NUP160: variants seen among roughly 807,000 people sequenced by gnomAD.
NUP160 encodes the protein nucleoporin 160, also known as nuclear pore complex protein Nup160.
In NUP160, 94 loss-of-function variants were observed where a neutral mutation model predicts 196.9. The ratio of observed to expected loss-of-function variants is 0.48; its 90% CI spans 0.40 to 0.57. NUP160 has a LOEUF of 0.57. Among genes scored for constraint, NUP160 ranks in the 20% least tolerant of loss-of-function variants. NUP160 has a pLI of 0.00. For missense variants in NUP160, 1,638 were observed against 1,748.3 expected (o/e 0.94, Z 1.13); for synonymous variants, 605 against 619.7 (o/e 0.98, Z 0.35).
chr11:47,783,521 A>G (rs2097662707), intron 33 of NUP160, among the ~76,000 whole-genome samples: 1 of 152,224 alleles, frequency 6.6e-6, no homozygotes, highest in Non-Finnish European at 1.5e-5. Context: ...TTGTAAAGTC[A>G]ACAAACTTTT....
At chr11:47,827,182 C>T (rs749981764) in intron 7 of NUP160, 3 of 455,392 alleles carry the variant, frequency 6.6e-6, no homozygotes, top group Middle Eastern at 3.3e-4. Flanking sequence ...GGCAACATGG[C>T]GAAACCCCGT....
chr11:47,801,895 T>C (rs771074458), exon 23 of NUP160: 1 of 1,613,770 alleles, frequency 6.2e-7, no homozygotes, highest in South Asian at 1.1e-5. Flanking sequence ...CCTCTTTGCC[T>C]ACTTCAGATG....
In NUP160 at chr11:47,784,111, C is replaced by A. The variant is rs375405748; in HGVS notation, c.3990+811G>T. Among the ~76,000 whole-genome samples, 6 of 152,228 alleles carry A rather than the reference C, an allele frequency of 3.9e-5. No homozygotes were observed. The East Asian group carries it at 1.2e-3, about 29-fold the overall frequency. On this transcript the variant is annotated intron_variant, in intron 33 of 35. Coordinates refer to ENST00000378460, the Ensembl canonical transcript of NUP160. ...AGCTTTAGATTTTCTCTTTCCTTAT[C>A]CTACTAACGGTGGTTCAGATGCAGA...
At chr11:47,797,064 C>T (rs988843953) in intron 27 of NUP160, among the ~76,000 whole-genome samples, 1 of 152,200 alleles carries the variant, frequency 6.6e-6, no homozygotes, top group Non-Finnish European at 1.5e-5. Flanking sequence ...AATCTAACCA[C>T]AGCTAATGCG....
At chr11:47,815,390 C>G in intron 13 of NUP160, 89 bp downstream of exon 13, 1 of 977,906 alleles carries the variant, frequency 1.0e-6, no homozygotes, top group Non-Finnish European at 1.5e-6. Flanking sequence ...CGGCAAGAGC[C>G]ACTGAACTTT....
At chr11:47,816,084 A>G in intron 11 of NUP160, 55 bp from the exon 12 acceptor site, 1 of 1,273,072 alleles carries the variant, frequency 7.9e-7, no homozygotes, top group Non-Finnish European at 1.1e-6. Flanking sequence ...TGAATGGAAA[A>G]CGTTTCAGTT....
intron 2 of NUP160, among the ~76,000 whole-genome samples, chr11:47,846,629 A>G (rs993477533): frequency 3.3e-5 from 5 of 152,176 alleles, no homozygotes. Flanking sequence ...ATTTCTAGTC[A>G]TTCCCACAAT....
At chr11:47,791,133 G>A (rs2097667669) in intron 29 of NUP160, among the ~76,000 whole-genome samples, 1 of 147,476 alleles carries the variant, frequency 6.8e-6, no homozygotes, top group Non-Finnish European at 1.5e-5. Context: ...CGAAGCTGAA[G>A]CAACAGCTTC....
At chr11:47,837,228 T>C (rs144048881) in intron 5 of NUP160, among the ~76,000 whole-genome samples, 58 of 152,344 alleles carry the variant, frequency 3.8e-4, no homozygotes, top group African/African-American at 1.3e-3. Context: ...TCCTTTTATA[T>C]TGTTTTCCTG....
intron 11 of NUP160, among the ~76,000 whole-genome samples, chr11:47,816,969 C>T (rs1851739985): frequency 6.9e-6 from 1 of 144,372 alleles, no homozygotes; most frequent in African/African-American, 2.5e-5. Context: ...CTTAAAAAAT[C>T]CTTTCAGTTT....
chr11:47,786,195 T>C (rs1036749740), intron 32 of NUP160, among the ~76,000 whole-genome samples: 3 of 152,082 alleles, frequency 2.0e-5, no homozygotes, highest in Non-Finnish European at 4.4e-5. Flanking sequence ...CCTGTAAGAG[T>C]ACCCTTTCCT....
chr11:47,801,078 G>C (rs915578736), intron 23 of NUP160, among the ~76,000 whole-genome samples: 5 of 152,156 alleles, frequency 3.3e-5, no homozygotes, highest in Admixed American at 3.3e-4. Context: ...ACAATGGAGT[G>C]ACCAGAGGAA....
chr11:47,794,992 T>C (rs1160243936), intron 27 of NUP160, among the ~76,000 whole-genome samples: 1 of 152,004 alleles, frequency 6.6e-6, no homozygotes, highest in Non-Finnish European at 1.5e-5. Flanking sequence ...TCCCAGCTAC[T>C]TGAGAGGCTG....
At chr11:47,847,764 T>C (rs1439150488) in intron 2 of NUP160, 84 bp downstream of exon 2, 2 of 863,244 alleles carry the variant, frequency 2.3e-6, no homozygotes, top group East Asian at 2.4e-5. Flanking sequence ...TTACCGCTTC[T>C]AGAATAGCAC....
intron 2 of NUP160, among the ~76,000 whole-genome samples, chr11:47,846,535 A>G (rs899830806): frequency 2.0e-5 from 3 of 152,106 alleles, no homozygotes; most frequent in Non-Finnish European, 4.4e-5. Context: ...CTCTTCTTTT[A>G]CCATCCCTTA....
chr11:47,839,591 C>A (rs150133966), intron 4 of NUP160: 1 of 454,738 alleles, frequency 2.2e-6, no homozygotes, highest in Non-Finnish European at 3.9e-6. Context: ...ATTAGGCAAC[C>A]CATCTCTACT....
intron 21 of NUP160, 149 bp from the exon 22 acceptor site, chr11:47,803,685 C>G: frequency 1.7e-6 from 1 of 598,958 alleles, no homozygotes. Context: ...AAAACCTACC[C>G]CTGTTGCCTT....
At chr11:47,810,351 C>G (rs2097680381) in intron 17 of NUP160, among the ~76,000 whole-genome samples, 1 of 151,968 alleles carries the variant, frequency 6.6e-6, no homozygotes, top group African/African-American at 2.4e-5. Flanking sequence ...GCTTGCTGCA[C>G]CATGCCCGGC....
At chr11:47,799,037 A>T (rs191496729) in intron 23 of NUP160, among the ~76,000 whole-genome samples, 1 of 152,292 alleles carries the variant, frequency 6.6e-6, no homozygotes, top group Admixed American at 6.5e-5. Context: ...AGAATAGTAA[A>T]TAAACACCAT....
Sources: gnomAD v4.1 joint callset for allele counts (sites outside exome capture counted in the v4.1 genomes callset) on GRCh38, gnomAD v4.1.1 for gene constraint, MANE v1.5 for transcripts, NCBI Gene and HGNC (gene_info 2026-07-23, HGNC 2026-07-21) for gene names.